Variants in RNF214 observed in about 807,000 individuals in gnomAD.
RNF214 encodes the protein ring finger protein 214.
RNF214 carries 25 observed loss-of-function variants against 75.9 expected under a neutral mutation model. The observed-to-expected ratio is 0.33, with a 90% CI of 0.24 to 0.46. The LOEUF is 0.46. Among genes scored for constraint, RNF214 ranks in the 20% least tolerant of loss-of-function variants. The pLI is 1.00. For synonymous variants in RNF214, 314 were observed against 308.8 expected (o/e 1.02, Z -0.18); for missense variants, 725 against 857.5 (o/e 0.85, Z 1.93).
chr11:117,274,675 C>CTTTTTTTT (rs397937528), intron 6 of RNF214, among the ~76,000 whole-genome samples: 2 of 128,810 alleles, frequency 1.6e-5, no homozygotes, highest in Non-Finnish European at 3.3e-5. Context: ...AGCCATGGCT[C>CTTTTTTTT]TTTTTTTTTT....
At chr11:117,270,103 A>T (rs1474248666) in intron 6 of RNF214, among the ~76,000 whole-genome samples, 1 of 152,170 alleles carries the variant, frequency 6.6e-6, no homozygotes, top group Non-Finnish European at 1.5e-5. Context: ...ATTTTCTTAG[A>T]TAAGGAAATT....
chr11:117,264,235 A>G (rs1225297406), intron 6 of RNF214, among the ~76,000 whole-genome samples: 2 of 152,156 alleles, frequency 1.3e-5, no homozygotes, highest in African/African-American at 4.8e-5. Context: ...AGGCAGGAGA[A>G]TGGCGTGAAC....
At chr11:117,265,582 T>G (rs2033778717) in intron 6 of RNF214, among the ~76,000 whole-genome samples, 1 of 152,030 alleles carries the variant, frequency 6.6e-6, no homozygotes, top group Admixed American at 6.6e-5. Context: ...CCCAGCTGAT[T>G]TTTGGTATTT....
At chr11:117,268,237 T>C (rs1450785229) in intron 6 of RNF214, among the ~76,000 whole-genome samples, 2 of 152,264 alleles carry the variant, frequency 1.3e-5, no homozygotes, top group Non-Finnish European at 2.9e-5. Flanking sequence ...GAGGTGGTTC[T>C]GTAAATTGGA....
chr11:117,247,504 AATTT>A (rs2033256619), intron 6 of RNF214, among the ~76,000 whole-genome samples: 1 of 152,016 alleles, frequency 6.6e-6, no homozygotes, highest in African/African-American at 2.4e-5. Flanking sequence ...CTTAAAAAAA[AATTT>A]TTTTTATATG....
intron 4 of RNF214, among the ~76,000 whole-genome samples, chr11:117,241,639 G>T (rs2033082719): frequency 6.6e-6 from 1 of 151,408 alleles, no homozygotes; most frequent in Non-Finnish European, 1.5e-5. Flanking sequence ...AATAAATCCA[G>T]TTCCTTTCCT....
intron 6 of RNF214, among the ~76,000 whole-genome samples, chr11:117,279,323 C>CTTTTTTT (rs34196418): frequency 1.9e-5 from 2 of 104,356 alleles, no homozygotes; most frequent in Non-Finnish European, 1.9e-5. Context: ...GAGATACAAA[C>CTTTTTTT]TTTTTTTTTT....
chr11:117,280,440 T>C (rs1383455584), intron 8 of RNF214, among the ~76,000 whole-genome samples, 181 bp downstream of exon 8: 1 of 152,250 alleles, frequency 6.6e-6, no homozygotes, highest in East Asian at 1.9e-4. Context: ...TCTAAAGTTC[T>C]GTACTGTAAC....
intron 6 of RNF214, among the ~76,000 whole-genome samples, chr11:117,263,286 C>CT (rs1219811254): frequency 9.4e-4 from 127 of 135,706 alleles, no homozygotes; most frequent in African/African-American, 2.7e-3. Flanking sequence ...GAAAAAAAAA[C>CT]TTTTTTTTTT....
intron 6 of RNF214, among the ~76,000 whole-genome samples, chr11:117,261,491 A>C (rs2033660624): frequency 6.6e-6 from 1 of 152,122 alleles, no homozygotes; most frequent in Non-Finnish European, 1.5e-5. Context: ...GAGCCTGGAG[A>C]ATCTCTTGAA....
intron 1 of RNF214, among the ~76,000 whole-genome samples, chr11:117,233,233 C>T (rs1306173819): frequency 6.6e-6 from 1 of 152,162 alleles, no homozygotes; most frequent in African/African-American, 2.4e-5. Flanking sequence ...GCGCAGAGGA[C>T]CCCCCAGCCC....
At chr11:117,241,842 C>T (rs116719384) in intron 4 of RNF214, among the ~76,000 whole-genome samples, 1 of 152,192 alleles carries the variant, frequency 6.6e-6, no homozygotes, top group African/African-American at 2.4e-5. Context: ...TCTATTTTAT[C>T]AATATTTGTT....
intron 3 of RNF214, 133 bp from the exon 4 acceptor site, chr11:117,239,668 T>G (rs1271937116): frequency 4.5e-6 from 3 of 664,812 alleles, no homozygotes; most frequent in Non-Finnish European, 8.2e-6. Context: ...ACTACATTGC[T>G]TAGCTTGCTT....
chr11:117,280,298 A>AATTT, intron 8 of RNF214, 39 bp downstream of exon 8: 1 of 1,309,332 alleles, frequency 7.6e-7, no homozygotes, highest in Non-Finnish European at 1.1e-6. Flanking sequence ...ATTGTTTTGC[A>AATTT]GTTTGTTTGT....
At chr11:117,257,814 C>G (rs900368052) in intron 6 of RNF214, among the ~76,000 whole-genome samples, 1 of 152,170 alleles carries the variant, frequency 6.6e-6, no homozygotes, top group African/African-American at 2.4e-5. Context: ...TAAATGAGAA[C>G]CAAGTCTGAA....
chr11:117,255,238 C>G (rs1368487499), intron 6 of RNF214, among the ~76,000 whole-genome samples: 1 of 152,176 alleles, frequency 6.6e-6, no homozygotes, highest in African/African-American at 2.4e-5. Flanking sequence ...CCTCAGTTTT[C>G]TAACCATCAG....
intron 6 of RNF214, among the ~76,000 whole-genome samples, chr11:117,277,735 G>T (rs1243452972): frequency 6.6e-6 from 1 of 152,228 alleles, no homozygotes; most frequent in East Asian, 1.9e-4. Flanking sequence ...ACTTTGGGAG[G>T]CTGAGGTGGG....
At chr11:117,250,875 A>T (rs1295914716) in intron 6 of RNF214, among the ~76,000 whole-genome samples, 1 of 147,642 alleles carries the variant, frequency 6.8e-6, no homozygotes, top group African/African-American at 2.5e-5. Flanking sequence ...CACCGCCCTT[A>T]ATCCATTCAA....
At chr11:117,250,441 A>G (rs1285952287) in intron 6 of RNF214, among the ~76,000 whole-genome samples, 3 of 152,130 alleles carry the variant, frequency 2.0e-5, no homozygotes, top group African/African-American at 7.2e-5. Context: ...ACATGTGATT[A>G]TGACATTGTT....
Sources: allele counts gnomAD v4.1 joint callset (sites outside exome capture counted in the v4.1 genomes callset), GRCh38; gene constraint gnomAD v4.1.1; transcripts MANE v1.5; gene names NCBI Gene and HGNC (gene_info 2026-07-23, HGNC 2026-07-21).